Variants in FHIT observed in about 807,000 individuals in gnomAD.
FHIT encodes bis(5'-adenosyl)-triphosphatase.
Under a neutral mutation model 17.9 loss-of-function variants are expected in FHIT, and 19 were observed. The ratio of observed to expected loss-of-function variants is 1.06; its 90% CI spans 0.74 to 1.56. FHIT has a LOEUF of 1.56. Ranked by LOEUF, FHIT falls within the 40% of genes most tolerant of loss-of-function variation. FHIT has a pLI of 0.00. For missense variants in FHIT, 248 were observed against 189.2 expected (o/e 1.31, Z -1.82); for synonymous variants, 81 against 69.7 (o/e 1.16, Z -0.81).
At chr3:60,568,169 G>A (rs940940312) in intron 4 of FHIT, among the ~76,000 whole-genome samples, 2 of 152,146 alleles carry the variant, frequency 1.3e-5, no homozygotes, top group Non-Finnish European at 2.9e-5. Flanking sequence ...CATGTTTATT[G>A]CGGCACTACT....
intron 7 of FHIT, among the ~76,000 whole-genome samples, chr3:59,959,073 C>G (rs1707542527): frequency 6.6e-6 from 1 of 152,182 alleles, no homozygotes; most frequent in African/African-American, 2.4e-5. Context: ...TCTCCCCTGG[C>G]AAGAGATAGA....
chr3:60,110,079 A>G (rs1045519988), intron 5 of FHIT, among the ~76,000 whole-genome samples: 1 of 152,158 alleles, frequency 6.6e-6, no homozygotes, highest in African/African-American at 2.4e-5. Context: ...GCTATAAAGG[A>G]AACAGGAAAC....
chr3:60,691,822 C>A (rs2040998426), intron 4 of FHIT, among the ~76,000 whole-genome samples: 1 of 152,150 alleles, frequency 6.6e-6, no homozygotes, highest in South Asian at 2.1e-4. Context: ...TCTCATTTCA[C>A]TTTCTGTTTC....
chr3:60,405,503 T>A (rs1485041591), intron 5 of FHIT, among the ~76,000 whole-genome samples: 1 of 152,188 alleles, frequency 6.6e-6, no homozygotes. Context: ...CCTTCAATGT[T>A]CAGTGCATCC....
intron 5 of FHIT, among the ~76,000 whole-genome samples, chr3:60,314,576 A>T (rs939438152): frequency 1.3e-5 from 2 of 152,206 alleles, no homozygotes; most frequent in Admixed American, 6.5e-5. Flanking sequence ...CTAGACTCAC[A>T]TTTTACAAAA....
intron 5 of FHIT, among the ~76,000 whole-genome samples, chr3:60,366,415 G>C (rs966100134): frequency 5.9e-5 from 9 of 152,198 alleles, no homozygotes; most frequent in Non-Finnish European, 8.8e-5. Flanking sequence ...ATGAGGCACA[G>C]TGCCCAGCCT....
At chr3:60,688,163 A>C (rs1315826788) in intron 4 of FHIT, among the ~76,000 whole-genome samples, 1 of 152,156 alleles carries the variant, frequency 6.6e-6, no homozygotes, top group African/African-American at 2.4e-5. Context: ...AATGAGATTC[A>C]GCTTTACACA....
intron 5 of FHIT, among the ~76,000 whole-genome samples, chr3:60,437,979 G>C (rs912549437): frequency 2.2e-4 from 34 of 152,030 alleles, no homozygotes; most frequent in African/African-American, 8.2e-4. Context: ...GATACAGTAT[G>C]ATTGTATAAA....
chr3:59,926,113 T>C (rs969073558), intron 7 of FHIT, among the ~76,000 whole-genome samples: 11 of 152,198 alleles, frequency 7.2e-5, no homozygotes, highest in African/African-American at 2.4e-4. Context: ...CCATGACACA[T>C]TCCACACCAA....
chr3:60,958,434 T>C (rs1709270084), intron 3 of FHIT, among the ~76,000 whole-genome samples: 2 of 152,230 alleles, frequency 1.3e-5, no homozygotes, highest in African/African-American at 4.8e-5. Flanking sequence ...AATTTTTAAA[T>C]GAAATAAGCT....
intron 5 of FHIT, among the ~76,000 whole-genome samples, chr3:60,441,742 A>T (rs1419424962): frequency 2.2e-4 from 4 of 17,812 alleles, no homozygotes; most frequent in Admixed American, 1.3e-3. Context: ...ATATATATAT[A>T]TTTATATATA....
At chr3:60,107,566 T>A (rs1391567425) in intron 5 of FHIT, among the ~76,000 whole-genome samples, 1 of 152,196 alleles carries the variant, frequency 6.6e-6, no homozygotes, top group East Asian at 1.9e-4. Flanking sequence ...TGGTTATAGC[T>A]CTATAATTGC....
At chr3:61,005,672 G>A (rs2031396729) in intron 3 of FHIT, among the ~76,000 whole-genome samples, 1 of 152,120 alleles carries the variant, frequency 6.6e-6, no homozygotes, top group Non-Finnish European at 1.5e-5. Context: ...GCTGTGTGGT[G>A]CATGGCTGGG....
chr3:59,964,678 C>T (rs992275035), intron 7 of FHIT, among the ~76,000 whole-genome samples: 1 of 152,124 alleles, frequency 6.6e-6, no homozygotes, highest in Non-Finnish European at 1.5e-5. Context: ...GGAGAACATA[C>T]ATCTCTACCC....
chr3:60,922,945 T>C (rs1486728882), intron 3 of FHIT, among the ~76,000 whole-genome samples: 1 of 152,324 alleles, frequency 6.6e-6, no homozygotes, highest in South Asian at 2.1e-4. Flanking sequence ...AAACTTTGAA[T>C]AACACTTGAT....
chr3:60,793,994 C>A (rs904509167), intron 4 of FHIT, among the ~76,000 whole-genome samples: 1 of 152,074 alleles, frequency 6.6e-6, no homozygotes, highest in Non-Finnish European at 1.5e-5. Context: ...AGCAAAGAAG[C>A]AAATGGTCCA....
chr3:60,439,567 G>A (rs924576906), intron 5 of FHIT, among the ~76,000 whole-genome samples: 8 of 150,562 alleles, frequency 5.3e-5, no homozygotes, highest in African/African-American at 2.0e-4. Flanking sequence ...TGAGTCATCA[G>A]TCAGTGATTC....
At chr3:61,155,455 CTTGT>C (rs1410958257) in intron 2 of FHIT, among the ~76,000 whole-genome samples, 1 of 152,024 alleles carries the variant, frequency 6.6e-6, no homozygotes, top group Admixed American at 6.6e-5. Flanking sequence ...ACTATTCTTT[CTTGT>C]TTCTTTTTTT....
intron 5 of FHIT, among the ~76,000 whole-genome samples, chr3:60,130,636 TAAAG>T (rs1699501626): frequency 8.2e-4 from 2 of 2,442 alleles, no homozygotes; most frequent in Non-Finnish European, 1.4e-3. Flanking sequence ...TATACAAAAA[TAAAG>T]AAACACCCCA....
Sources: gnomAD v4.1 joint callset for allele counts (sites outside exome capture counted in the v4.1 genomes callset) on GRCh38, gnomAD v4.1.1 for gene constraint, MANE v1.5 for transcripts, NCBI Gene and HGNC (gene_info 2026-07-23, HGNC 2026-07-21) for gene names.